Variants in ABCC8 observed in about 807,000 individuals in gnomAD.
ABCC8 encodes the protein ATP-binding cassette sub-family C member 8.
ABCC8 carries 137 observed loss-of-function variants against 188.0 expected under a neutral mutation model. That is an observed-to-expected ratio of 0.73 (90% confidence interval 0.63 to 0.84). ABCC8 has a LOEUF of 0.84. ABCC8 is among the 40% of genes least tolerant of loss of function. The pLI, the probability that ABCC8 is intolerant of heterozygous loss-of-function variation, is 0.00. For missense variants in ABCC8, 1,750 were observed against 2,072.7 expected (o/e 0.84, Z 3.02); for synonymous variants, 797 against 846.5 (o/e 0.94, Z 1.01).
chr11:17,450,399 TTTCC>T (rs1956760314), intron 7 of ABCC8, among the ~76,000 whole-genome samples: 3 of 96,424 alleles, frequency 3.1e-5, no homozygotes, highest in African/African-American at 3.7e-5. Context: ...TCCTTCTTTC[TTTCC>T]TTTTTTTTTT....
intron 11 of ABCC8, 42 bp from the exon 12 acceptor site, chr11:17,431,001 G>A: frequency 6.2e-7 from 1 of 1,607,984 alleles, no homozygotes. Context: ...GGCCCAGGGT[G>A]TGGGTCCCTC....
rs778961697 is a variant in ABCC8, at chr11:17,404,556, G to T, written c.3513C>A (p.Ala1171=). ...PVFLVALLPL[A]IVCYFIQKYF... is the part of the protein sequence containing the mutation. ...ACTTCTGGATGAAGTAGCACACGAT[G>T]GCCAGGGGCAAGAGGGCCACGAGGA... The change falls in exon 28 of 39, where the codon GCC becomes GCA. Residue 1171 remains alanine, a synonymous_variant. Transcript: ENST00000389817. The surrounding 1 kb of genome is among the most constrained non-coding windows in gnomAD (Gnocchi z 4.7). 12 of 1,613,994 alleles carry T rather than the reference G, an allele frequency of 7.4e-6. No homozygotes were observed. Among genetic ancestry groups the T allele is most frequent in the Non-Finnish European group, 8.5e-6 (10 of 1,180,022 alleles).
chr11:17,406,069 C>T (rs780388031), intron 26 of ABCC8, among the ~76,000 whole-genome samples: 1 of 152,262 alleles, frequency 6.6e-6, no homozygotes, highest in African/African-American at 2.4e-5. Context: ...ATTGTGAGGT[C>T]TAGCCTCGAC....
chr11:17,413,782 G>A (rs781514086), intron 19 of ABCC8, among the ~76,000 whole-genome samples: 13 of 152,196 alleles, frequency 8.5e-5, no homozygotes, highest in Non-Finnish European at 1.3e-4. Context: ...GCCGGAACCC[G>A]TGCTTGGGGC....
chr11:17,401,239 C>A (rs528598964), intron 29 of ABCC8, among the ~76,000 whole-genome samples: 1 of 152,156 alleles, frequency 6.6e-6, no homozygotes, highest in East Asian at 1.9e-4. Context: ...GTTGAAGGAA[C>A]GGGAGAAGTT....
chr11:17,470,351 T>A (rs1848414604), intron 2 of ABCC8, 129 bp from the exon 3 acceptor site: 8 of 1,506,024 alleles, frequency 5.3e-6, no homozygotes, highest in Non-Finnish European at 7.2e-6. Context: ...GCAGGGCCCT[T>A]TAGTTAATGG....
At chr11:17,471,679 C>T (rs946907296) in intron 2 of ABCC8, among the ~76,000 whole-genome samples, 3 of 152,218 alleles carry the variant, frequency 2.0e-5, no homozygotes, top group Non-Finnish European at 2.9e-5. Context: ...AGCATGCCCT[C>T]TCTGCTCATG....
At chr11:17,408,314 A>G (rs957424368) in intron 23 of ABCC8, 78 bp downstream of exon 23, 5 of 1,413,740 alleles carry the variant, frequency 3.5e-6, no homozygotes, top group Non-Finnish European at 4.9e-6. Context: ...TAAGGACAGG[A>G]AGACCTTTAT....
chr11:17,414,395 A>C, intron 19 of ABCC8, 117 bp downstream of exon 19: 1 of 1,425,134 alleles, frequency 7.0e-7, no homozygotes, highest in Non-Finnish European at 9.9e-7. Context: ...GCAGGTAAGC[A>C]CCTGGGGAGT....
At chr11:17,443,492 AG>A in intron 8 of ABCC8, 180 bp from the exon 9 acceptor site, 1 of 958,608 alleles carries the variant, frequency 1.0e-6, no homozygotes, top group South Asian at 1.5e-5. Flanking sequence ...TTTCAAAAGG[AG>A]GTTAGCATAA....
At chr11:17,408,012 C>T (rs1186714980) in intron 23 of ABCC8, among the ~76,000 whole-genome samples, 1 of 152,218 alleles carries the variant, frequency 6.6e-6, no homozygotes, top group East Asian at 1.9e-4. Flanking sequence ...TTTCTGATTA[C>T]ACTGACTACC....
chr11:17,405,393 TGTG>T (rs1954465704), intron 27 of ABCC8, 98 bp downstream of exon 27: 1 of 1,555,058 alleles, frequency 6.4e-7, no homozygotes, highest in Non-Finnish European at 8.9e-7. Flanking sequence ...CCCAGAGGGC[TGTG>T]ATCACCTGAT....
intron 28 of ABCC8, among the ~76,000 whole-genome samples, chr11:17,403,070 T>C (rs1954328954): frequency 6.6e-6 from 1 of 152,250 alleles, no homozygotes; most frequent in Non-Finnish European, 1.5e-5. Context: ...GAGCTAAGGC[T>C]GGGCAGGCAG....
intron 16 of ABCC8, 55 bp from the exon 17 acceptor site, chr11:17,417,017 T>A: frequency 6.2e-7 from 1 of 1,612,486 alleles, no homozygotes; most frequent in South Asian, 1.1e-5. Flanking sequence ...CCCCATTGCC[T>A]TTCCATCACG....
At chr11:17,433,362 G>A (rs1955934045) in intron 10 of ABCC8, among the ~76,000 whole-genome samples, 1 of 152,244 alleles carries the variant, frequency 6.6e-6, no homozygotes, top group Non-Finnish European at 1.5e-5. Flanking sequence ...CCAGGGCTCT[G>A]CCTGTGCACA....
At chr11:17,418,599 A>T (rs1955189933) in intron 16 of ABCC8, among the ~76,000 whole-genome samples, 1 of 152,152 alleles carries the variant, frequency 6.6e-6, no homozygotes, top group Non-Finnish European at 1.5e-5. Flanking sequence ...AGTCTTCCTG[A>T]TGTGACTACT....
At position 17,393,147 on chromosome 11, in the gene ABCC8, G is replaced by A. The variant is rs1463839787; in HGVS notation, c.4609-19C>T. ...CTCGATGCTGGGCAGGGCAGGAGGG[G>A]GCGGGTCAGGATGGTGGGAATACCA... On this transcript the variant is annotated intron_variant, in intron 38 of 38. Transcript: ENST00000389817. 11 of 1,613,202 alleles carry A rather than the reference G, an allele frequency of 6.8e-6. No individual in the cohort carries two copies. Among genetic ancestry groups the A allele is most frequent in the South Asian group, 1.1e-5 (1 of 91,064 alleles).
chr11:17,414,893 C>G (rs1056985581), intron 18 of ABCC8, among the ~76,000 whole-genome samples: 4 of 152,060 alleles, frequency 2.6e-5, no homozygotes, highest in African/African-American at 9.7e-5. Flanking sequence ...GGGAGGAGCC[C>G]AAAAGTGTGA....
intron 3 of ABCC8, among the ~76,000 whole-genome samples, chr11:17,468,138 T>A (rs1170552213): frequency 6.6e-6 from 1 of 152,040 alleles, no homozygotes; most frequent in African/African-American, 2.4e-5. Flanking sequence ...TTCATACTCA[T>A]GTGGGGGCCC....
Sources: allele counts gnomAD v4.1 joint callset (sites outside exome capture counted in the v4.1 genomes callset), GRCh38; gene constraint gnomAD v4.1.1; non-coding constraint Gnocchi (gnomAD v3.1); transcripts MANE v1.5; gene names NCBI Gene and HGNC (gene_info 2026-07-23, HGNC 2026-07-21).